TRIM67: variants seen among roughly 807,000 people sequenced by gnomAD.
The protein encoded by TRIM67 is tripartite motif-containing protein 67.
Under a neutral mutation model 71.0 loss-of-function variants are expected in TRIM67, and 39 were observed. The observed-to-expected ratio is 0.55, with a 90% CI of 0.43 to 0.72. The LOEUF (loss-of-function observed/expected upper bound fraction) is 0.72, where lower values mean the gene tolerates loss of function less well. Ranked by LOEUF, TRIM67 falls within the 30% of genes least tolerant of loss-of-function variation. TRIM67 has a pLI of 0.00. For synonymous variants in TRIM67, 481 were observed against 473.9 expected, an observed-to-expected ratio of 1.01 and a Z score of -0.19; for missense variants, 973 against 1,079.2, an observed-to-expected ratio of 0.90 and a Z score of 1.38.
At position 231,214,116 on chromosome 1, in the gene TRIM67, G is replaced by A; in HGVS notation, c.2286+139G>A. On this transcript the variant is annotated intron_variant, in intron 9 of 9. Transcript: ENST00000366653. ...CCAGACAGAGCTTATCAACTGGCCT[G>A]CCTTGGACATTTCCTGGAGGCGTTC... is the stretch of plus-strand genomic sequence containing the variant. 3 of 1,109,312 alleles carry A rather than the reference G, an allele frequency of 2.7e-6. 1 individual carries two copies. The South Asian group carries it at 5.2e-5, about 19-fold the overall frequency. 68.7% of individuals were successfully genotyped at this position (1,109,312 alleles called of 1,614,324 possible).
intron 1 of TRIM67, among the ~76,000 whole-genome samples, chr1:231,172,070 G>A (rs779098462): frequency 3.3e-5 from 5 of 152,164 alleles, no homozygotes; most frequent in Non-Finnish European, 5.9e-5. Context: ...CTGGGCAACA[G>A]AGCAAGACCC....
chr1:231,211,730 G>A (rs4658904), intron 8 of TRIM67, among the ~76,000 whole-genome samples: 41,489 of 152,050 alleles, frequency 0.27, 6,249 homozygotes, highest in Admixed American at 0.37. Flanking sequence ...CAATCTGGAA[G>A]GACAAACATG....
intron 1 of TRIM67, among the ~76,000 whole-genome samples, chr1:231,169,053 A>AT (rs199501190): frequency 1.3e-4 from 20 of 151,346 alleles, no homozygotes; most frequent in African/African-American, 3.4e-4. Context: ...AGCCCTAGAT[A>AT]TTTTTTTTTA....
intron 2 of TRIM67, among the ~76,000 whole-genome samples, chr1:231,198,044 A>G (rs1437042754): frequency 2.6e-5 from 4 of 152,210 alleles, no homozygotes; most frequent in Admixed American, 2.6e-4. Flanking sequence ...CATGGAGCCA[A>G]TTAGAGAGAG....
chr1:231,207,855 T>A (rs11804005), intron 7 of TRIM67, among the ~76,000 whole-genome samples: 7,582 of 152,078 alleles, frequency 0.05, 350 homozygotes, highest in African/African-American at 0.12. Context: ...CTCACTTCTA[T>A]CAACCTGGGG....
chr1:231,187,370 T>C (rs1469631117), intron 1 of TRIM67: 4 of 693,254 alleles, frequency 5.8e-6, no homozygotes, highest in Non-Finnish European at 9.0e-6. Context: ...ATTTCTCTGC[T>C]TACCCAGGAG....
chr1:231,195,900 G>A (rs984338641), intron 1 of TRIM67, among the ~76,000 whole-genome samples: 1 of 152,220 alleles, frequency 6.6e-6, no homozygotes, highest in African/African-American at 2.4e-5. Context: ...TGCTGATGTT[G>A]CTGGTCTAGA....
At chr1:231,177,497 C>A (rs570700086) in intron 1 of TRIM67, among the ~76,000 whole-genome samples, 3 of 152,302 alleles carry the variant, frequency 2.0e-5, no homozygotes, top group African/African-American at 7.2e-5. Context: ...GACATCCCAT[C>A]CCAGGCTTGT....
At position 231,206,267 on chromosome 1, in the gene TRIM67, T is replaced by A. The variant is rs976808737; in HGVS notation, c.1681-385T>A. The stretch of plus-strand genomic sequence containing the variant: ...ACAAATAGGGAAACCCCATCTCTAC[T>A]AAAATATATATATATATATATAAAT... On this transcript the variant is annotated intron_variant, in intron 6 of 9. Transcript: ENST00000366653. 6.6e-5 allele frequency among the ~76,000 whole-genome samples: 10 copies of A among 150,744 alleles called. No homozygotes were observed. The South Asian group carries it at 2.1e-3, about 31-fold the overall frequency.
At chr1:231,198,133 A>G (rs1219753950) in intron 2 of TRIM67, among the ~76,000 whole-genome samples, 1 of 152,228 alleles carries the variant, frequency 6.6e-6, no homozygotes, top group Non-Finnish European at 1.5e-5. Context: ...TTTGTGGCCG[A>G]ATATGCCCAT....
intron 2 of TRIM67, among the ~76,000 whole-genome samples, chr1:231,198,543 C>A (rs189370554): frequency 1.2e-4 from 18 of 152,304 alleles, no homozygotes; most frequent in African/African-American, 4.1e-4. Flanking sequence ...TGTGCCCCTA[C>A]ACCCAGCTAA....
intron 1 of TRIM67, chr1:231,184,762 A>G: frequency 1.9e-6 from 1 of 535,390 alleles, no homozygotes; most frequent in Non-Finnish European, 3.3e-6. Context: ...GAGAACCACC[A>G]TGAGTAGAGT....
intron 5 of TRIM67, among the ~76,000 whole-genome samples, chr1:231,202,026 G>GATAATGGAGA: frequency 6.6e-6 from 1 of 152,374 alleles, no homozygotes; most frequent in East Asian, 1.9e-4. Context: ...AGTGGTGGCA[G>GATAATGGAGA]AGGAGGAGGA....
In TRIM67 at chr1:231,215,515, A is replaced by G; in HGVS notation, c.*75A>G. ...AACGCCCACCATTCTCACTAAGCTC[A>G]AATAACCCACAAAAGCAGGATATGC... On this transcript the variant is annotated 3_prime_UTR_variant, in exon 10 of 10. Coordinates refer to ENST00000366653, the MANE Select transcript of TRIM67 (RefSeq NM_001004342.5). 6.7e-7 allele frequency: 1 copy of G among 1,491,608 alleles called. No individual in the cohort carries two copies. The highest frequency in any genetic ancestry group is 9.0e-7 in the Non-Finnish European group (1 of 1,110,456). The allele number at this position is 1,491,608 out of a possible 1,614,324, so 92.4% of individuals were successfully genotyped here. A position where few individuals can be genotyped will look rare whatever the true frequency, so the allele number is the denominator to read the frequency against.
rs1305530036 is a variant in TRIM67 at position 231,209,296 on chromosome 1, G to A, written c.2123+46G>A. 1 of 1,490,976 alleles carries A rather than the reference G, an allele frequency of 6.7e-7. No homozygotes were observed. The highest frequency in any genetic ancestry group is 1.4e-5 in the South Asian group (1 of 71,712). 92.4% of individuals were successfully genotyped at this position (1,490,976 alleles called of 1,614,324 possible). On this transcript the variant is annotated intron_variant, in intron 8 of 9. Coordinates refer to ENST00000366653, the MANE Select transcript of TRIM67 (RefSeq NM_001004342.5). The surrounding 1 kb of genome is among the most constrained non-coding windows in gnomAD (Gnocchi z 4.1). ...GCCTCCCGTGGACACAGGTTGTTTGGGAATGAGGGTCCTGAAGACCAGTGT... is the reference window on the plus strand; with the variant it reads ...GCCTCCCGTGGACACAGGTTGTTTGAGAATGAGGGTCCTGAAGACCAGTGT...
chr1:231,213,741 A>T (rs1683933594), intron 8 of TRIM67, 74 bp from the exon 9 acceptor site: 46 of 1,480,998 alleles, frequency 3.1e-5, no homozygotes, highest in Non-Finnish European at 4.1e-5. Flanking sequence ...TAAATAAGTA[A>T]ATAATTCTCC....
intron 1 of TRIM67, chr1:231,187,698 G>T: frequency 1.2e-6 from 1 of 861,244 alleles, no homozygotes; most frequent in Non-Finnish European, 1.7e-6. Context: ...AGTGGGAGAG[G>T]CGGGGTGGGA....
intron 7 of TRIM67, 138 bp downstream of exon 7, chr1:231,206,928 G>A (rs957568529): frequency 2.4e-5 from 22 of 905,906 alleles, no homozygotes; most frequent in East Asian, 1.5e-4. Flanking sequence ...CTCCAAGGGC[G>A]TGCCCTTCTG....
chr1:231,196,713 C>T (rs927413701), intron 1 of TRIM67, among the ~76,000 whole-genome samples: 2 of 152,200 alleles, frequency 1.3e-5, no homozygotes, highest in South Asian at 2.1e-4. Flanking sequence ...GCAATTTCAC[C>T]CTTGGGCCAC....
Sources: allele counts gnomAD v4.1 joint callset (sites outside exome capture counted in the v4.1 genomes callset), GRCh38; gene constraint gnomAD v4.1.1; non-coding constraint Gnocchi (gnomAD v3.1); transcripts MANE v1.5; gene names NCBI Gene and HGNC (gene_info 2026-07-23, HGNC 2026-07-21).